The following VWA3B variants were observed in gnomAD, a reference collection of about 807,000 sequenced individuals.
VWA3B encodes von Willebrand factor A domain containing 3B.
VWA3B carries 138 observed loss-of-function variants against 158.3 expected under a neutral mutation model. The observed-to-expected ratio is 0.87, with a 90% confidence interval of 0.76 to 1.00. The LOEUF is 1.00. Among genes scored for constraint, VWA3B ranks in the 50% least tolerant of loss-of-function variants. The pLI is 0.00. For synonymous variants in VWA3B, 596 were observed against 587.3 expected (o/e 1.01, Z -0.21); for missense variants, 1,555 against 1,565.1 (o/e 0.99, Z 0.11).
At chr2:98,212,411 C>T (rs1162729660) in intron 13 of VWA3B, among the ~76,000 whole-genome samples, 2 of 152,176 alleles carry the variant, frequency 1.3e-5, no homozygotes, top group Admixed American at 6.5e-5. Context: ...GCATAATGTC[C>T]TTGGCTTTAC....
chr2:98,117,269 G>A (rs796678861), intron 3 of VWA3B, among the ~76,000 whole-genome samples: 14 of 152,308 alleles, frequency 9.2e-5, no homozygotes, highest in African/African-American at 3.1e-4. Context: ...GCCATCCTTT[G>A]GATGGGCCTT....
chr2:98,231,424 T>C lies in VWA3B; in HGVS notation c.2308+1217T>C, dbSNP rs201454896. Among the ~76,000 whole-genome samples the C allele has an allele frequency of 1.1e-4, 17 of 152,302 alleles. No individual in the cohort carries two copies. In the East Asian group the frequency reaches 2.3e-3, roughly 21 times the overall value. On this transcript the variant is annotated intron_variant, in intron 16 of 27. Coordinates refer to ENST00000477737, the MANE Select transcript of VWA3B (RefSeq NM_144992.5). ...AGACGGTGTGGTATTAGCAGAGGGATAGGTGGAATAGGACCTAGATTTAAT... is the reference window on the plus strand; with the variant it reads ...AGACGGTGTGGTATTAGCAGAGGGACAGGTGGAATAGGACCTAGATTTAAT...
chr2:98,209,565 C>A (rs191470874), intron 12 of VWA3B, among the ~76,000 whole-genome samples: 1 of 152,172 alleles, frequency 6.6e-6, no homozygotes, highest in African/African-American at 2.4e-5. Flanking sequence ...CAGGCGTGAG[C>A]CACCGCGCCC....
intron 19 of VWA3B, chr2:98,245,459 G>A (rs1458315906): frequency 2.3e-6 from 1 of 426,734 alleles, no homozygotes; most frequent in Non-Finnish European, 4.7e-6. Flanking sequence ...CAGACTCGAA[G>A]TGTGGGGTAT....
At chr2:98,187,480 A>G (rs1681176297) in intron 9 of VWA3B, among the ~76,000 whole-genome samples, 1 of 152,050 alleles carries the variant, frequency 6.6e-6, no homozygotes, top group Non-Finnish European at 1.5e-5. Context: ...AAGAGGATTC[A>G]TGAGAATCTC....
chr2:98,136,769 C>G (rs923185610), intron 7 of VWA3B, among the ~76,000 whole-genome samples: 9 of 152,132 alleles, frequency 5.9e-5, no homozygotes, highest in African/African-American at 1.9e-4. Context: ...TTTGGAGGGA[C>G]ACATATATTC....
At chr2:98,190,632 A>G (rs1681497388) in intron 10 of VWA3B, among the ~76,000 whole-genome samples, 1 of 152,198 alleles carries the variant, frequency 6.6e-6, no homozygotes, top group Non-Finnish European at 1.5e-5. Context: ...GGCTAAGCAT[A>G]GAATTCTGGT....
At chr2:98,200,761 T>A (rs1682472182) in intron 12 of VWA3B, among the ~76,000 whole-genome samples, 1 of 152,374 alleles carries the variant, frequency 6.6e-6, no homozygotes, top group South Asian at 2.1e-4. Flanking sequence ...ATTGCAGTCA[T>A]GCAGGTTTTC....
chr2:98,236,040 G>T (rs1418548851), intron 17 of VWA3B, among the ~76,000 whole-genome samples: 3 of 152,130 alleles, frequency 2.0e-5, no homozygotes, highest in Admixed American at 2.0e-4. Context: ...GTTGATCAAG[G>T]CTCTCATATA....
intron 6 of VWA3B, among the ~76,000 whole-genome samples, chr2:98,128,810 A>G (rs1310910320): frequency 6.6e-6 from 1 of 152,232 alleles, no homozygotes; most frequent in African/African-American, 2.4e-5. Flanking sequence ...AAAACTCGGG[A>G]CAGCCCCTAC....
chr2:98,118,023 C>CA (rs1559546706), intron 3 of VWA3B, among the ~76,000 whole-genome samples: 2 of 152,190 alleles, frequency 1.3e-5, no homozygotes, highest in South Asian at 4.1e-4. Context: ...AGGCATGAGC[C>CA]ATCATGCCAG....
intron 19 of VWA3B, among the ~76,000 whole-genome samples, chr2:98,245,244 T>A (rs2105777010): frequency 6.6e-6 from 1 of 152,122 alleles, no homozygotes. Context: ...TTTTATTCCC[T>A]CTCAAACAGA....
chr2:98,126,747 G>T (rs1675394469), intron 5 of VWA3B, among the ~76,000 whole-genome samples: 1 of 152,178 alleles, frequency 6.6e-6, no homozygotes, highest in African/African-American at 2.4e-5. Flanking sequence ...AGAATCAGGA[G>T]CTGGCGTTGA....
chr2:98,179,886 C>T (rs1232515380), intron 8 of VWA3B, among the ~76,000 whole-genome samples: 2 of 48,214 alleles, frequency 4.1e-5, no homozygotes, highest in African/African-American at 2.0e-4. Context: ...CTCCCTCCCT[C>T]TCTCTCTTTC....
In VWA3B at chr2:98,218,188, T is replaced by C. The variant is rs117260140; in HGVS notation, c.2019+160T>C. ...ATGAGTGTACCAGTGTTTCTCAGAA[T>C]GTAGCCCAAGGACCACCTGAGCTAG... On this transcript the variant is annotated intron_variant, in intron 14 of 27. Coordinates refer to ENST00000477737, the MANE Select transcript of VWA3B (RefSeq NM_144992.5). 9.9e-4 allele frequency among the ~76,000 whole-genome samples: 150 copies of C among 152,284 alleles called. 5 individuals carry two copies. In the East Asian group the frequency reaches 0.021, roughly 22 times the overall value.
chr2:98,208,455 C>G (rs1374883470), intron 12 of VWA3B, among the ~76,000 whole-genome samples: 2 of 151,920 alleles, frequency 1.3e-5, no homozygotes, highest in Non-Finnish European at 2.9e-5. Flanking sequence ...GTCTTGCCTT[C>G]CTATGGGTTA....
chr2:98,256,909 C>T (rs1292887767), intron 21 of VWA3B, among the ~76,000 whole-genome samples: 1 of 152,152 alleles, frequency 6.6e-6, no homozygotes, highest in Non-Finnish European at 1.5e-5. Context: ...TTTAGACTAT[C>T]TATCACCTCA....
chr2:98,190,204 T>C (rs1237793909), intron 10 of VWA3B, among the ~76,000 whole-genome samples: 1 of 152,198 alleles, frequency 6.6e-6, no homozygotes, highest in Non-Finnish European at 1.5e-5. Flanking sequence ...CTCTTTGTTG[T>C]GTTTTGATGT....
intron 12 of VWA3B, among the ~76,000 whole-genome samples, chr2:98,211,480 C>T (rs1345292831): frequency 1.3e-5 from 2 of 152,048 alleles, no homozygotes; most frequent in East Asian, 1.9e-4. Context: ...TTAGATATGC[C>T]CACATGTACA....
Sources: gnomAD v4.1 joint callset for allele counts (sites outside exome capture counted in the v4.1 genomes callset) on GRCh38, gnomAD v4.1.1 for gene constraint, MANE v1.5 for transcripts, NCBI Gene and HGNC (gene_info 2026-07-23, HGNC 2026-07-21) for gene names.